Variants in NCF2 observed in about 807,000 individuals in gnomAD.
NCF2 encodes neutrophil cytosol factor 2.
NCF2 carries 45 observed loss-of-function variants against 70.9 expected under a neutral mutation model. The ratio of observed to expected loss-of-function variants is 0.63; its 90% confidence interval spans 0.50 to 0.81. NCF2 has a LOEUF of 0.81. Among genes scored for constraint, NCF2 ranks in the 40% least tolerant of loss-of-function variants. The pLI is 0.00. For synonymous variants in NCF2, 203 were observed against 233.6 expected, an observed-to-expected ratio of 0.87 and a Z score of 1.19; for missense variants, 522 against 631.6, an observed-to-expected ratio of 0.83 and a Z score of 1.86.
intron 7 of NCF2, 119 bp downstream of exon 7, chr1:183,569,023 C>T (rs942155266): frequency 1.1e-6 from 1 of 941,072 alleles, no homozygotes; most frequent in Non-Finnish European, 1.7e-6. Context: ...GCCTGACATT[C>T]CAGAAAATTC....
intron 10 of NCF2, 64 bp from the exon 11 acceptor site, chr1:183,564,094 C>T: frequency 2.7e-6 from 4 of 1,492,112 alleles, no homozygotes; most frequent in Non-Finnish European, 3.7e-6. Context: ...TGGCCAGCCC[C>T]TGCCACACAC....
intron 7 of NCF2, 199 bp from the exon 8 acceptor site, chr1:183,567,544 A>G (rs1217310304): frequency 4.0e-6 from 3 of 745,066 alleles, no homozygotes; most frequent in South Asian, 1.4e-5. Context: ...GCTCATAACC[A>G]TATATGCAGA....
intron 1 of NCF2, among the ~76,000 whole-genome samples, chr1:183,588,162 G>A (rs1558107886): frequency 6.6e-6 from 1 of 152,186 alleles, no homozygotes; most frequent in African/African-American, 2.4e-5. Flanking sequence ...ATGAAGTGAA[G>A]GTAGAGTTTT....
At chr1:183,600,945 C>T in the NCF2 span, among the ~76,000 whole-genome samples, 1,023 of 152,254 alleles carry the variant, frequency 6.7e-3, 4 homozygotes, top group Middle Eastern at 0.01. Flanking sequence ...CAAGAGCTTG[C>T]GAGATCATTT....
chr1:183,586,817 A>G (rs1673373338), intron 2 of NCF2, 78 bp downstream of exon 2: 2 of 1,376,006 alleles, frequency 1.5e-6, no homozygotes, highest in Non-Finnish European at 2.1e-6. Flanking sequence ...GTACTGCTCA[A>G]ACACCAAGCC....
At chr1:183,593,767 C>A (rs940196469), upstream of NCF2, among the ~76,000 whole-genome samples, 1 of 152,156 alleles carries the variant, frequency 6.6e-6, no homozygotes, top group Non-Finnish European at 1.5e-5. Flanking sequence ...TTACTTGGTG[C>A]TGTTAGTAGA....
the NCF2 span, among the ~76,000 whole-genome samples, chr1:183,601,616 G>C: frequency 4.6e-5 from 7 of 152,166 alleles, no homozygotes; most frequent in Non-Finnish European, 1.0e-4. Flanking sequence ...CCAGCACTTT[G>C]GGAGGTTGAG....
chr1:183,557,592 T>G (rs1558088990), intron 14 of NCF2, among the ~76,000 whole-genome samples: 1 of 152,244 alleles, frequency 6.6e-6, no homozygotes. Flanking sequence ...GACCGCTAAA[T>G]TCTGTTTTCT....
chr1:183,579,888 A>C (rs1417326705), intron 2 of NCF2, among the ~76,000 whole-genome samples: 3 of 151,656 alleles, frequency 2.0e-5, no homozygotes, highest in African/African-American at 7.3e-5. Context: ...TTGTTGTTTT[A>C]TTTTCTTTAG....
chr1:183,575,095 A>C (rs543027833), intron 3 of NCF2, among the ~76,000 whole-genome samples: 105 of 152,324 alleles, frequency 6.9e-4, no homozygotes, highest in South Asian at 5.0e-3. Context: ...ACAGGTACAG[A>C]GCCGGAAGAT....
intron 14 of NCF2, among the ~76,000 whole-genome samples, chr1:183,557,139 A>T (rs1220006206): frequency 6.6e-6 from 1 of 152,210 alleles, no homozygotes; most frequent in Non-Finnish European, 1.5e-5. Flanking sequence ...GGAAAAGGAG[A>T]CCCAGAGAGA....
upstream of NCF2, among the ~76,000 whole-genome samples, chr1:183,595,486 G>A (rs1468398945): frequency 6.6e-6 from 1 of 152,192 alleles, no homozygotes; most frequent in Non-Finnish European, 1.5e-5. Flanking sequence ...TGGGTCAGGA[G>A]TCTGGGCACG....
chr1:183,586,888 CACTT>C lies in NCF2; in HGVS notation c.257+3_257+6del. 6.2e-7 allele frequency: 1 copy of C among 1,613,120 alleles called. No individual in the cohort carries two copies. Among genetic ancestry groups the C allele is most frequent in the Non-Finnish European group, 8.5e-7 (1 of 1,179,106 alleles). On this transcript the variant is annotated splice_donor_5th_base_variant and intron_variant, in intron 2 of 14. Transcript: ENST00000367535. ...TCCTCCAGTTGGTGCAACATTGAAC[CACTT>C]ACTTCTCTGTCTGGTAGTAGAGCAT... is the stretch of plus-strand genomic sequence containing the variant.
At chr1:183,570,862 G>A (rs1411830711) in intron 5 of NCF2, 23 bp from the exon 6 acceptor site, 1 of 1,612,746 alleles carries the variant, frequency 6.2e-7, no homozygotes, top group Non-Finnish European at 8.5e-7. Context: ...ACAGGAGGGT[G>A]TGAGGCTCTG....
At chr1:183,575,931 A>G (rs1672782184) in intron 3 of NCF2, among the ~76,000 whole-genome samples, 1 of 152,234 alleles carries the variant, frequency 6.6e-6, no homozygotes, top group African/African-American at 2.4e-5. Flanking sequence ...CTGAGATTCA[A>G]TGAGCTACTG....
chr1:183,567,036 T>C (rs1672332646), intron 8 of NCF2, 48 bp from the exon 9 acceptor site: 2 of 1,612,124 alleles, frequency 1.2e-6, no homozygotes, highest in Non-Finnish European at 1.7e-6. Context: ...AAAGATGTGC[T>C]CATCAGTACC....
chr1:183,567,350 A>C lies in NCF2; in HGVS notation c.714-5T>G, dbSNP rs1672354679. ...TGAGCCTCCCCTTCCAGAGCCCTGC[A>C]GAGGATAGACACAAGATCCAGCCCC... On this transcript the variant is annotated splice_region_variant and splice_polypyrimidine_tract_variant and intron_variant, in intron 7 of 14. Transcript: ENST00000367535. 1 of 1,614,008 alleles carries C rather than the reference A, an allele frequency of 6.2e-7. No homozygotes were observed. The highest frequency in any genetic ancestry group is 1.7e-5 in the Admixed American group (1 of 60,026).
upstream of NCF2, among the ~76,000 whole-genome samples, chr1:183,595,121 T>A (rs78919110): frequency 0.032 from 4,882 of 152,316 alleles, 108 homozygotes; most frequent in East Asian, 0.081. Flanking sequence ...TTGCATAAAG[T>A]GAGGTACATT....
intron 3 of NCF2, among the ~76,000 whole-genome samples, chr1:183,576,166 T>A (rs965212589): frequency 2.0e-5 from 3 of 152,056 alleles, no homozygotes; most frequent in African/African-American, 7.2e-5. Flanking sequence ...AAGAGAAGGA[T>A]TATAAGTAGG....
Sources: gnomAD v4.1 joint callset for allele counts (sites outside exome capture counted in the v4.1 genomes callset) on GRCh38, gnomAD v4.1.1 for gene constraint, MANE v1.5 for transcripts, NCBI Gene and HGNC (gene_info 2026-07-23, HGNC 2026-07-21) for gene names.